PDE12: variants seen among roughly 807,000 people sequenced by gnomAD.
The protein encoded by PDE12 is phosphodiesterase 12, also known as 2',5'-phosphodiesterase 12.
A neutral mutation model predicts 45.4 loss-of-function variants in PDE12; 26 were observed. The ratio of observed to expected loss-of-function variants is 0.57; its 90% CI spans 0.42 to 0.79. PDE12 has a LOEUF of 0.79. PDE12 is among the 30% of genes least tolerant of loss of function. The pLI is 0.00. For missense variants in PDE12, 668 were observed against 790.0 expected (o/e 0.85, Z 1.85); for synonymous variants, 283 against 323.9 (o/e 0.87, Z 1.36).
chr3:57,613,138 G>A, the PDE12 span, among the ~76,000 whole-genome samples: 1,596 of 148,854 alleles, frequency 0.011, 18 homozygotes, highest in African/African-American at 0.037. Flanking sequence ...CTGCGACCGC[G>A]TCTGGCTAAT....
chr3:57,618,971 T>G, the PDE12 span, among the ~76,000 whole-genome samples: 2 of 152,160 alleles, frequency 1.3e-5, no homozygotes, highest in Non-Finnish European at 2.9e-5. Context: ...TTAAATACAT[T>G]TAACGAATTA....
chr3:57,647,337 C>T, the PDE12 span, among the ~76,000 whole-genome samples: 3 of 152,170 alleles, frequency 2.0e-5, no homozygotes, highest in Non-Finnish European at 2.9e-5. Flanking sequence ...CAAAGGAGCT[C>T]TTCCTCTTCC....
rs941759129 is a variant in PDE12, at chr3:57,559,587, G to A, written c.1413G>A (p.Met471Ile). 1.9e-6 allele frequency: 3 copies of A among 1,608,222 alleles called. No homozygotes were observed. The highest frequency in any genetic ancestry group is 2.6e-6 in the Non-Finnish European group (3 of 1,175,292). Residue 471 changes from methionine (M) to isoleucine (I), a missense_variant, in exon 3 of 3, where the codon ATG becomes ATA. Coordinates refer to ENST00000311180, the MANE Select transcript of PDE12 (RefSeq NM_177966.7). ...PKGGYIRLIQ[M>I]AVALAHIRHV... Reference sequence around the variant, plus strand: ...GTGGGTATATTCGCCTCATTCAAATGGCAGTAGCCTTGGCTCACATAAGAC... The same window carrying A: ...GTGGGTATATTCGCCTCATTCAAATAGCAGTAGCCTTGGCTCACATAAGAC...
At chr3:57,644,390 C>T in the PDE12 span, among the ~76,000 whole-genome samples, 1 of 151,874 alleles carries the variant, frequency 6.6e-6, no homozygotes, top group Non-Finnish European at 1.5e-5. Context: ...ACTGCAACCT[C>T]TGCCTCCTAG....
At chr3:57,619,184 TAAAAATACAAA>T in the PDE12 span, among the ~76,000 whole-genome samples, 1 of 151,700 alleles carries the variant, frequency 6.6e-6, no homozygotes, top group African/African-American at 2.4e-5. Flanking sequence ...CCGTCTTTAC[TAAAAATACAAA>T]AAATTAGCCG....
chr3:57,578,900 C>G, the PDE12 span, among the ~76,000 whole-genome samples: 1 of 147,458 alleles, frequency 6.8e-6, no homozygotes, highest in Non-Finnish European at 1.5e-5. Context: ...AGGGGGGGGG[C>G]AAAAATAAAA....
the PDE12 span, chr3:57,634,500 C>A: frequency 1.1e-6 from 1 of 926,740 alleles, no homozygotes; most frequent in South Asian, 2.6e-5. Flanking sequence ...TATTGCGTAA[C>A]TGGATATTAC....
chr3:57,618,415 CTTTT>C, the PDE12 span, among the ~76,000 whole-genome samples: 34 of 151,640 alleles, frequency 2.2e-4, no homozygotes, highest in Non-Finnish European at 2.9e-5. Context: ...TATGGTAGAT[CTTTT>C]TTGTTTGTTT....
chr3:57,643,023 G>A, the PDE12 span, among the ~76,000 whole-genome samples: 277 of 88,370 alleles, frequency 3.1e-3, 2 homozygotes, highest in Middle Eastern at 5.2e-3. Flanking sequence ...AAAAAAAAAA[G>A]AAAGATCACT....
At chr3:57,646,562 T>C in the PDE12 span, 2 of 1,293,416 alleles carry the variant, frequency 1.5e-6, no homozygotes, top group Non-Finnish European at 2.1e-6. Context: ...TATCCTGATC[T>C]GATACACAAA....
the PDE12 span, among the ~76,000 whole-genome samples, chr3:57,603,150 C>T: frequency 2.0e-5 from 3 of 151,348 alleles, no homozygotes; most frequent in Non-Finnish European, 2.9e-5. Flanking sequence ...CTGGGCAACA[C>T]AGCGAGACTC....
the PDE12 span, chr3:57,597,946 GC>G: frequency 1.3e-5 from 2 of 152,184 alleles, no homozygotes; most frequent in Non-Finnish European, 2.9e-5. Context: ...ATGAGCTAGG[GC>G]TAGACGCTTC....
the PDE12 span, among the ~76,000 whole-genome samples, chr3:57,610,340 T>C: frequency 6.6e-6 from 1 of 152,210 alleles, no homozygotes; most frequent in Admixed American, 6.5e-5. Flanking sequence ...GGGGATGCCC[T>C]CTCTCACCGC....
the PDE12 span, chr3:57,646,325 G>A: frequency 6.2e-7 from 1 of 1,612,218 alleles, no homozygotes; most frequent in Non-Finnish European, 8.5e-7. Context: ...CTTAACAAGT[G>A]CCAATACAGT....
the PDE12 span, among the ~76,000 whole-genome samples, chr3:57,648,451 A>G: frequency 8.5e-5 from 13 of 152,180 alleles, no homozygotes; most frequent in Non-Finnish European, 1.8e-4. Context: ...ATTCAACGCA[A>G]TTCCCATCAA....
rs2069666769 is a variant in PDE12 at position 57,556,810 on chromosome 3, A to G, written c.431A>G (p.Asp144Gly). 4.3e-6 allele frequency: 7 copies of G among 1,612,874 alleles called. No individual in the cohort carries two copies. The highest frequency in any genetic ancestry group is 2.2e-5 in the East Asian group (1 of 44,852). Residue 144 changes from aspartate (D) to glycine (G), a missense_variant, in exon 1 of 3, where the codon GAC becomes GGC. Transcript: ENST00000311180. This position sits in a 1 kb window ranked among gnomAD's most constrained non-coding sequence, Gnocchi z 5.0. ...EDVLNVDAWQ[D>G]GAVLQIGDVK... ...GTGCTCAACGTGGATGCCTGGCAAG[A>G]CGGCGCGGTGCTGCAGATCGGCGAT... is the stretch of plus-strand genomic sequence containing the variant.
chr3:57,571,840 G>A (rs770757652), downstream of PDE12: 12 of 179,358 alleles, frequency 6.7e-5, no homozygotes, highest in Admixed American at 3.6e-4. Context: ...TTAGCAAACT[G>A]TCTCAGGAAT....
the PDE12 span, among the ~76,000 whole-genome samples, chr3:57,621,746 A>C: frequency 6.6e-6 from 1 of 152,144 alleles, no homozygotes; most frequent in Non-Finnish European, 1.5e-5. Context: ...GAACAAATTC[A>C]TAAGTAGAAC....
At chr3:57,589,111 A>G in the PDE12 span, among the ~76,000 whole-genome samples, 3 of 151,908 alleles carry the variant, frequency 2.0e-5, no homozygotes, top group Non-Finnish European at 4.4e-5. Flanking sequence ...TCAAAAAAAA[A>G]AAAAAATTAG....
Sources: gnomAD v4.1 joint callset for allele counts (sites outside exome capture counted in the v4.1 genomes callset) on GRCh38, gnomAD v4.1.1 for gene constraint, Gnocchi (gnomAD v3.1) non-coding constraint, MANE v1.5 for transcripts, NCBI Gene and HGNC (gene_info 2026-07-23, HGNC 2026-07-21) for gene names.